Variants in MAP4 observed in about 807,000 individuals in gnomAD.
MAP4 encodes microtubule associated protein 4.
A neutral mutation model predicts 170.2 loss-of-function variants in MAP4; 76 were observed. The ratio of observed to expected loss-of-function variants is 0.45; its 90% confidence interval spans 0.37 to 0.54. The LOEUF is 0.54. Ranked by LOEUF, MAP4 falls within the 20% of genes least tolerant of loss-of-function variation. The probability of loss-of-function intolerance (pLI) is 0.00; values close to 1 mark genes in which losing one functional copy is unlikely to be tolerated. For missense variants in MAP4, 2,506 were observed against 2,748.0 expected, an observed-to-expected ratio of 0.91 and a Z score of 1.97; for synonymous variants, 909 against 994.5, an observed-to-expected ratio of 0.91 and a Z score of 1.62.
At chr3:48,056,637 G>A (rs1161834254) in intron 1 of MAP4, among the ~76,000 whole-genome samples, 14 of 126,192 alleles carry the variant, frequency 1.1e-4, no homozygotes, top group Admixed American at 2.1e-4. Context: ...CCCCCCGCCC[G>A]GCCAGCCGCC....
At chr3:48,020,487 A>G (rs1559804453), upstream of MAP4, among the ~76,000 whole-genome samples, 1 of 152,196 alleles carries the variant, frequency 6.6e-6, no homozygotes, top group Non-Finnish European at 1.5e-5. Flanking sequence ...TCTGAGCAAG[A>G]AGGAGAAGAT....
At chr3:48,047,095 AAAATAAATAAATAAAT>A (rs373688704) in intron 1 of MAP4, among the ~76,000 whole-genome samples, 2 of 142,762 alleles carry the variant, frequency 1.4e-5, no homozygotes, top group South Asian at 2.3e-4. Flanking sequence ...CTCCGTCTCA[AAAATAAATAAATAAAT>A]AAATAAATAA....
At chr3:47,921,135 G>C (rs965799250) in intron 5 of MAP4, among the ~76,000 whole-genome samples, 4 of 152,092 alleles carry the variant, frequency 2.6e-5, no homozygotes, top group Non-Finnish European at 4.4e-5. Context: ...GTGACAGAGT[G>C]AGACCCTGTC....
chr3:47,923,415 T>G (rs1216963436), intron 4 of MAP4, among the ~76,000 whole-genome samples: 1 of 151,010 alleles, frequency 6.6e-6, no homozygotes, highest in Non-Finnish European at 1.5e-5. Flanking sequence ...TGTTGAGGCT[T>G]CTTCTTCAGA....
intron 1 of MAP4, among the ~76,000 whole-genome samples, chr3:48,046,954 C>T (rs927350510): frequency 6.6e-5 from 10 of 151,966 alleles, no homozygotes; most frequent in East Asian, 1.9e-4. Context: ...ATGAGCCGGG[C>T]GTGGTGGCAG....
rs555691222 is a variant in MAP4 at position 48,074,676 on chromosome 3, T to TTGTGTGTGTGTGTGTGTG, written c.-20+14079_-20+14096dup. On this transcript the variant is annotated intron_variant, in intron 1 of 18. Coordinates refer to the MAP4 transcript ENST00000360240. Reference sequence around the variant, plus strand: ...GGGGCAAGCCACCACATCCAGCTAATTGTGTGTGTGTGTGTGTGTGTGTGT... The same window carrying TTGTGTGTGTGTGTGTGTG: ...GGGGCAAGCCACCACATCCAGCTAATTGTGTGTGTGTGTGTGTGTGTGTGTGTGTGTGTGTGTGTGTGT... Among the ~76,000 whole-genome samples, 208 of 90,580 alleles carry TTGTGTGTGTGTGTGTGTG rather than the reference T, an allele frequency of 2.3e-3. 4 individuals carry two copies. Among genetic ancestry groups the TTGTGTGTGTGTGTGTGTG allele is most frequent in the African/African-American group, 7.6e-3 (156 of 20,448 alleles). 59.4% of individuals were successfully genotyped at this position (90,580 alleles called of 152,430 possible).
chr3:48,050,623 T>C (rs1467042655), intron 1 of MAP4, among the ~76,000 whole-genome samples: 2 of 149,204 alleles, frequency 1.3e-5, no homozygotes, highest in East Asian at 3.9e-4. Context: ...AAAAAAACTA[T>C]AGAGGACGTG....
chr3:47,867,503 G>A (rs1285007833), intron 16 of MAP4, among the ~76,000 whole-genome samples, 165 bp from the exon 17 acceptor site: 1 of 152,208 alleles, frequency 6.6e-6, no homozygotes, highest in Admixed American at 6.5e-5. Flanking sequence ...CACAGGAAAA[G>A]AAATGTGAAA....
At position 47,910,505 on chromosome 3, in the gene MAP4, T is replaced by C. The variant is rs1373526961; in HGVS notation, c.3916A>G (p.Ile1306Val). 1.3e-6 allele frequency: 2 copies of C among 1,535,994 alleles called. No individual in the cohort carries two copies. The highest frequency in any genetic ancestry group is 1.4e-5 in the African/African-American group (1 of 73,036). ...VELGTLGENK[I>V]STVKASTVTE... ...ACAGTAGAAGCCTTGACTGTGCTTA[T>C]CTTGTTTTCCCCAAGAGTCCCAAGC... Residue 1306 changes from isoleucine to valine, a missense_variant, in exon 9 of 21, where the codon ATA (isoleucine) becomes GTA (valine). Ile to Val is a conservative substitution (Grantham distance 29). This residue lies in a region of MAP4 where 2,008 missense variants were observed against 2,206.0 expected (regional missense o/e 0.91). Coordinates refer to ENST00000683076, the MANE Select transcript of MAP4 (RefSeq NM_001385682.1).
chr3:48,061,513 G>C (rs2100135258), intron 1 of MAP4, among the ~76,000 whole-genome samples: 1 of 152,306 alleles, frequency 6.6e-6, no homozygotes, highest in African/African-American at 2.4e-5. Context: ...GCCCAGGCTG[G>C]AGTGCAGTGG....
At chr3:47,943,898 A>T (rs1384909348) in intron 3 of MAP4, among the ~76,000 whole-genome samples, 1 of 152,026 alleles carries the variant, frequency 6.6e-6, no homozygotes, top group Non-Finnish European at 1.5e-5. Flanking sequence ...GCAGTAGCTG[A>T]GCTGTCAACT....
intron 1 of MAP4, among the ~76,000 whole-genome samples, chr3:48,056,956 G>A (rs1336569733): frequency 6.3e-5 from 8 of 126,086 alleles, no homozygotes; most frequent in South Asian, 2.7e-4. Context: ...CCCCCCGCCC[G>A]GCCAGCCGCC....
chr3:48,075,246 C>T (rs368946200), intron 1 of MAP4, among the ~76,000 whole-genome samples: 3 of 152,076 alleles, frequency 2.0e-5, no homozygotes, highest in East Asian at 3.9e-4. Flanking sequence ...AAGTCCAGGC[C>T]GGGCACGGTG....
chr3:47,860,118 C>T (rs2063227243), intron 17 of MAP4, among the ~76,000 whole-genome samples: 1 of 152,226 alleles, frequency 6.6e-6, no homozygotes, highest in Admixed American at 6.5e-5. Flanking sequence ...TGGTGACAAG[C>T]TCATCTTAGC....
chr3:47,930,404 C>T lies in MAP4; in HGVS notation c.293-2054G>A, dbSNP rs2100048937. Among the ~76,000 whole-genome samples, 4 of 150,072 alleles carry T rather than the reference C, an allele frequency of 2.7e-5. No individual in the cohort carries two copies. In the South Asian group the frequency reaches 8.4e-4, roughly 32 times the overall value. ...AGCTTGCAGTGAGCCGAGATTGCGC[C>T]ACTGCAGTCCGCAGTCCGGCCTGGG... On this transcript the variant is annotated intron_variant, in intron 3 of 20. Coordinates refer to ENST00000683076, the MANE Select transcript of MAP4 (RefSeq NM_001385682.1).
chr3:47,965,859 G>C (rs1033320543), intron 3 of MAP4, among the ~76,000 whole-genome samples: 2 of 152,070 alleles, frequency 1.3e-5, no homozygotes, highest in African/African-American at 4.8e-5. Flanking sequence ...TACAGAGATA[G>C]ACAAAAATTT....
chr3:47,935,081 T>TTA (rs972148974), intron 3 of MAP4, among the ~76,000 whole-genome samples: 7 of 152,188 alleles, frequency 4.6e-5, no homozygotes, highest in African/African-American at 1.7e-4. Context: ...GCTTAGAAAA[T>TTA]TATGAGAAAC....
rs1007170203 is a variant in MAP4 at position 47,915,955 on chromosome 3, T to C, written c.1872A>G (p.Ser624=). 1.2e-6 allele frequency: 2 copies of C among 1,608,948 alleles called. No homozygotes were observed. Among genetic ancestry groups the C allele is most frequent in the South Asian group, 1.1e-5 (1 of 89,858 alleles). ...GQSAAPTFMI[S]PETVTGTGKK... ...AGAATAAGCACAAGCACGTACCTGGTGAAATCATGAAAGTAGGTGCAGCTG... is the reference window on the plus strand; with the variant it reads ...AGAATAAGCACAAGCACGTACCTGGCGAAATCATGAAAGTAGGTGCAGCTG... The change falls in exon 7 of 21, where the codon TCA becomes TCG. Residue 624 remains serine (S), a synonymous_variant. Coordinates refer to ENST00000683076, the MANE Select transcript of MAP4 (RefSeq NM_001385682.1).
At chr3:48,018,780 G>A (rs911722398), upstream of MAP4, among the ~76,000 whole-genome samples, 6 of 152,064 alleles carry the variant, frequency 3.9e-5, no homozygotes, top group African/African-American at 1.4e-4. Flanking sequence ...TCCAGCCTGG[G>A]TGACAGAGTG....
Sources: gnomAD v4.1 joint callset for allele counts (sites outside exome capture counted in the v4.1 genomes callset) on GRCh38, gnomAD v4.1.1 for gene constraint, gnomAD v4.1.1 regional missense constraint, MANE v1.5 for transcripts, NCBI Gene and HGNC (gene_info 2026-07-23, HGNC 2026-07-21) for gene names.